The following DPT variants were observed in gnomAD, a reference collection of about 807,000 sequenced individuals.
DPT encodes the protein tyrosine-rich acidic matrix protein.
In DPT, 21 loss-of-function variants were observed where a neutral mutation model predicts 31.2. The observed-to-expected ratio is 0.67, with a 90% CI of 0.48 to 0.97. DPT has a LOEUF of 0.97. DPT is among the 50% of genes least tolerant of loss of function. DPT has a pLI of 0.00. For missense variants in DPT, 262 were observed against 258.8 expected, an observed-to-expected ratio of 1.01 and a Z score of -0.08; for synonymous variants, 91 against 86.9, an observed-to-expected ratio of 1.05 and a Z score of -0.26.
chr1:168,711,349 T>C (rs1649856755), intron 2 of DPT, among the ~76,000 whole-genome samples: 1 of 152,246 alleles, frequency 6.6e-6, no homozygotes, highest in African/African-American at 2.4e-5. Flanking sequence ...CAGTGAGCCT[T>C]AGCTCCTTGC....
intron 1 of DPT, among the ~76,000 whole-genome samples, chr1:168,716,367 A>G (rs559491616): frequency 1.7e-3 from 261 of 152,148 alleles, no homozygotes; most frequent in Non-Finnish European, 2.1e-3. Flanking sequence ...ATTAGCTTGA[A>G]TTCCCTGTTC....
In DPT at chr1:168,701,082, G is replaced by A. The variant is rs773430214; in HGVS notation, c.474C>T (p.Asp158=). The A allele has an allele frequency of 1.2e-6, 2 of 1,613,870 alleles. No homozygotes were observed. Among genetic ancestry groups the A allele is most frequent in the Non-Finnish European group, 1.7e-6 (2 of 1,179,880 alleles). Residue 158 remains aspartate (D), a synonymous_variant, in exon 3 of 4, where the codon GAC becomes GAT. Transcript: ENST00000367817. ...AGTAATCATAATTGTAGGAAATCAT[G>A]TCCATTTCCTCACCATAGTGACCTG... ...EYPGHYGEEM[D]MISYNYDYYI...
chr1:168,728,916 G>T lies in DPT; in HGVS notation c.259C>A (p.Pro87Thr). 6.2e-7 allele frequency: 1 copy of T among 1,614,188 alleles called. No homozygotes were observed. Among genetic ancestry groups the T allele is most frequent in the South Asian group, 1.1e-5 (1 of 91,086 alleles). ...CMPTPQSLGE[P>T]TECWWEEINR... ...ATCTCCTCCCACCAGCACTCCGTGG[G>T]TTCCCCGAGGCTCTGTGGCGTGGGC... Residue 87 changes from proline (P) to threonine (T), a missense_variant, in exon 1 of 4, where the codon CCC becomes ACC. By Grantham distance (38) the Pro-to-Thr change is conservative. Transcript: ENST00000367817.
chr1:168,726,079 T>C (rs1402931458), intron 1 of DPT, among the ~76,000 whole-genome samples: 4 of 152,184 alleles, frequency 2.6e-5, no homozygotes, highest in African/African-American at 9.7e-5. Context: ...AGCTGGATCT[T>C]ATTGTAAAGA....
intron 1 of DPT, among the ~76,000 whole-genome samples, chr1:168,726,120 C>T (rs1444494462): frequency 6.6e-6 from 1 of 152,028 alleles, no homozygotes; most frequent in Non-Finnish European, 1.5e-5. Context: ...AGTTTTCAAC[C>T]CTGTGATTAG....
chr1:168,716,247 C>A (rs1478186375), intron 1 of DPT, among the ~76,000 whole-genome samples: 2 of 151,618 alleles, frequency 1.3e-5, no homozygotes, highest in East Asian at 1.9e-4. Context: ...TTTATTTATT[C>A]ATTCATTTAT....
intron 2 of DPT, among the ~76,000 whole-genome samples, chr1:168,707,687 G>A (rs1649752674): frequency 6.6e-6 from 1 of 152,202 alleles, no homozygotes; most frequent in African/African-American, 2.4e-5. Flanking sequence ...CAAGAGGACG[G>A]TCACTCTCAT....
chr1:168,713,114 AGAGATCTT>A (rs1239472025), intron 2 of DPT, among the ~76,000 whole-genome samples: 2 of 152,120 alleles, frequency 1.3e-5, no homozygotes, highest in Non-Finnish European at 2.9e-5. Flanking sequence ...CTCCACTGCA[AGAGATCTT>A]TAGGTCTTTG....
At chr1:168,714,089 C>A in intron 2 of DPT, 132 bp downstream of exon 2, 1 of 1,191,714 alleles carries the variant, frequency 8.4e-7, no homozygotes, top group South Asian at 1.6e-5. Flanking sequence ...GTCATTCATT[C>A]ATTCTTGTCT....
chr1:168,704,503 C>T (rs1168440838), intron 2 of DPT, among the ~76,000 whole-genome samples: 1 of 152,202 alleles, frequency 6.6e-6, no homozygotes, highest in African/African-American at 2.4e-5. Context: ...GCTGAGATCG[C>T]GCCACTGCAC....
intron 2 of DPT, among the ~76,000 whole-genome samples, chr1:168,701,637 T>G (rs952899376): frequency 6.6e-6 from 1 of 152,218 alleles, no homozygotes; most frequent in Non-Finnish European, 1.5e-5. Flanking sequence ...ATGTACATAT[T>G]GCGATAGTTT....
intron 1 of DPT, among the ~76,000 whole-genome samples, chr1:168,714,672 T>C (rs1347134555): frequency 6.6e-6 from 1 of 152,240 alleles, no homozygotes; most frequent in Non-Finnish European, 1.5e-5. Flanking sequence ...AAATTCGAGA[T>C]TGTATTATTC....
intron 2 of DPT, among the ~76,000 whole-genome samples, chr1:168,713,194 G>T (rs1251627432): frequency 1.3e-5 from 2 of 152,116 alleles, no homozygotes; most frequent in Admixed American, 1.3e-4. Context: ...CACTGTAGAG[G>T]AGTAAAAGCT....
At chr1:168,701,198 A>G in intron 2 of DPT, 74 bp from the exon 3 acceptor site, 1 of 1,153,066 alleles carries the variant, frequency 8.7e-7, no homozygotes, top group Non-Finnish European at 1.3e-6. Context: ...AAGACACACT[A>G]TGAAGAAGAG....
intron 2 of DPT, among the ~76,000 whole-genome samples, chr1:168,706,841 C>G (rs925774014): frequency 6.6e-6 from 1 of 152,186 alleles, no homozygotes; most frequent in Non-Finnish European, 1.5e-5. Flanking sequence ...CTGTCCAAGC[C>G]CAGGGCTAGT....
intron 2 of DPT, among the ~76,000 whole-genome samples, chr1:168,701,687 A>G (rs780176395): frequency 1.3e-5 from 2 of 152,216 alleles, no homozygotes; most frequent in Non-Finnish European, 2.9e-5. Flanking sequence ...AAAGTGTTCA[A>G]AAATTATTTA....
intron 2 of DPT, among the ~76,000 whole-genome samples, chr1:168,710,359 A>T (rs1553202427): frequency 6.6e-6 from 1 of 152,224 alleles, no homozygotes; most frequent in Non-Finnish European, 1.5e-5. Flanking sequence ...TTGACTTGTC[A>T]TGCCTTTTGG....
Position 168,701,167 on chromosome 1 carries a change from A to G in DPT, c.432-43T>C, listed in dbSNP as rs188652473. ...AGGTTAGAGGAAAATGAAACACATTATTATTGCTGGGAGCAAACAGAAGAC... is the reference window on the plus strand; with the variant it reads ...AGGTTAGAGGAAAATGAAACACATTGTTATTGCTGGGAGCAAACAGAAGAC... On this transcript the variant is annotated intron_variant, in intron 2 of 3. Transcript: ENST00000367817. 8.3e-6 allele frequency: 12 copies of G among 1,437,700 alleles called. No individual in the cohort carries two copies. The Admixed American group carries it at 1.3e-4, about 16-fold the overall frequency. 89.1% of individuals were successfully genotyped at this position (1,437,700 alleles called of 1,614,324 possible).
At chr1:168,696,664 C>A (rs1205028530) in intron 3 of DPT, 49 bp from the exon 4 acceptor site, 1 of 1,538,354 alleles carries the variant, frequency 6.5e-7, no homozygotes, top group South Asian at 1.1e-5. Context: ...AAGGACATGG[C>A]AGGAAGAATC....
Sources: allele counts gnomAD v4.1 joint callset (sites outside exome capture counted in the v4.1 genomes callset), GRCh38; gene constraint gnomAD v4.1.1; transcripts MANE v1.5; gene names NCBI Gene and HGNC (gene_info 2026-07-23, HGNC 2026-07-21).